GABBR2: variants seen among roughly 807,000 people sequenced by gnomAD.
GABBR2 encodes the protein G-protein coupled receptor 51.
Under a neutral mutation model 105.6 loss-of-function variants are expected in GABBR2, and 23 were observed. The observed-to-expected ratio is 0.22, with a 90% confidence interval of 0.16 to 0.31. The LOEUF (loss-of-function observed/expected upper bound fraction) is 0.31, where lower values mean the gene tolerates loss of function less well. Ranked by LOEUF, GABBR2 falls within the 10% of genes least tolerant of loss-of-function variation. The pLI is 1.00. For synonymous variants in GABBR2, 478 were observed against 499.7 expected (o/e 0.96, Z 0.58); for missense variants, 734 against 1,245.5 (o/e 0.59, Z 6.18).
At chr9:98,524,728 G>T (rs1827927502) in intron 3 of GABBR2, among the ~76,000 whole-genome samples, 1 of 151,940 alleles carries the variant, frequency 6.6e-6, no homozygotes, top group Admixed American at 6.6e-5. Context: ...GAATCTGGTT[G>T]ATTTTCACTA....
chr9:98,399,838 C>T (rs1021627272), intron 8 of GABBR2, among the ~76,000 whole-genome samples: 1 of 152,046 alleles, frequency 6.6e-6, no homozygotes, highest in East Asian at 1.9e-4. Context: ...ATGTAAGGAA[C>T]TTCTGCAGAC....
At chr9:98,303,838 G>A (rs1226583428) in intron 15 of GABBR2, among the ~76,000 whole-genome samples, 1 of 152,262 alleles carries the variant, frequency 6.6e-6, no homozygotes. Context: ...AACCATTGAT[G>A]AGTTCTGGAA....
intron 7 of GABBR2, among the ~76,000 whole-genome samples, chr9:98,415,974 TAGG>T (rs1406448444): frequency 1.3e-5 from 2 of 152,052 alleles, no homozygotes; most frequent in Non-Finnish European, 2.9e-5. Flanking sequence ...GTGGGTGTAG[TAGG>T]AGTAGGCAGA....
intron 8 of GABBR2, among the ~76,000 whole-genome samples, chr9:98,399,590 C>T (rs1832354374): frequency 1.3e-5 from 2 of 152,126 alleles, no homozygotes; most frequent in Admixed American, 1.3e-4. Flanking sequence ...ACCCCCATAC[C>T]CAACCAGTGC....
At chr9:98,420,187 C>T (rs1832757445) in intron 7 of GABBR2, among the ~76,000 whole-genome samples, 1 of 152,120 alleles carries the variant, frequency 6.6e-6, no homozygotes, top group South Asian at 2.1e-4. Flanking sequence ...TGCAGGGATA[C>T]CCTAGCTCCC....
At chr9:98,465,936 G>C (rs1054603960) in intron 6 of GABBR2, among the ~76,000 whole-genome samples, 16 of 152,322 alleles carry the variant, frequency 1.1e-4, no homozygotes, top group Admixed American at 9.8e-4. Flanking sequence ...GCTGGGAGGT[G>C]ACTGGATCAT....
At chr9:98,355,650 C>T (rs751705975) in intron 13 of GABBR2, among the ~76,000 whole-genome samples, 1 of 152,130 alleles carries the variant, frequency 6.6e-6, no homozygotes, top group Non-Finnish European at 1.5e-5. Context: ...CAATACTTCC[C>T]AACTTGATCT....
chr9:98,358,383 G>A (rs1485003333), intron 13 of GABBR2, among the ~76,000 whole-genome samples: 1 of 152,210 alleles, frequency 6.6e-6, no homozygotes. Context: ...CACACTGCCT[G>A]CTCTCTAAAT....
intron 11 of GABBR2, among the ~76,000 whole-genome samples, chr9:98,384,451 A>T (rs1832035882): frequency 6.6e-6 from 1 of 152,192 alleles, no homozygotes; most frequent in South Asian, 2.1e-4. Context: ...TTAGCTGGGC[A>T]TGGTGGTGCA....
intron 1 of GABBR2, among the ~76,000 whole-genome samples, chr9:98,678,115 T>C (rs1157591144): frequency 1.3e-5 from 2 of 152,208 alleles, no homozygotes; most frequent in African/African-American, 4.8e-5. Context: ...CTATAATAAA[T>C]GGTTAATATT....
chr9:98,517,561 A>G (rs1564101262), intron 3 of GABBR2, among the ~76,000 whole-genome samples: 1 of 152,320 alleles, frequency 6.6e-6, no homozygotes, highest in East Asian at 1.9e-4. Flanking sequence ...TTTCAAAATA[A>G]TGTCTAAACT....
chr9:98,386,168 T>C (rs1370182969), intron 10 of GABBR2, among the ~76,000 whole-genome samples: 1 of 152,098 alleles, frequency 6.6e-6, no homozygotes, highest in Non-Finnish European at 1.5e-5. Context: ...ATCAGCTTCT[T>C]CATCCATTAA....
At chr9:98,299,445 CT>C in intron 16 of GABBR2, 92 bp from the exon 17 acceptor site, 1 of 1,405,928 alleles carries the variant, frequency 7.1e-7, no homozygotes, top group Non-Finnish European at 1.0e-6. Context: ...AGGGCTGGGC[CT>C]TTACCTGTAT....
intron 3 of GABBR2, among the ~76,000 whole-genome samples, chr9:98,501,627 A>G (rs1192890697): frequency 2.6e-5 from 4 of 152,138 alleles, no homozygotes; most frequent in Non-Finnish European, 4.4e-5. Context: ...TAAGTAAATG[A>G]TTGATAATCT....
chr9:98,567,817 G>A (rs916283599), intron 2 of GABBR2, among the ~76,000 whole-genome samples: 19 of 152,118 alleles, frequency 1.2e-4, no homozygotes, highest in African/African-American at 3.9e-4. Flanking sequence ...CCGGAGCTTC[G>A]GAATTCCAGT....
intron 1 of GABBR2, among the ~76,000 whole-genome samples, chr9:98,662,305 T>C (rs73504592): frequency 0.014 from 2,163 of 152,198 alleles, 63 homozygotes; most frequent in African/African-American, 0.048. Context: ...GAATGGAAGA[T>C]GGGTAGGGCA....
intron 2 of GABBR2, among the ~76,000 whole-genome samples, 159 bp from the exon 3 acceptor site, chr9:98,542,202 A>C (rs1828317883): frequency 6.6e-6 from 1 of 152,220 alleles, no homozygotes; most frequent in South Asian, 2.1e-4. Context: ...GTAACATATC[A>C]TAATGGAAGG....
chr9:98,666,249 A>G (rs992845813), intron 1 of GABBR2, among the ~76,000 whole-genome samples: 8 of 152,216 alleles, frequency 5.3e-5, no homozygotes, highest in Non-Finnish European at 2.9e-5. Flanking sequence ...ACGAACCCAA[A>G]GGAATAATCT....
chr9:98,392,622 A>C (rs1832201725), intron 9 of GABBR2, among the ~76,000 whole-genome samples: 1 of 152,186 alleles, frequency 6.6e-6, no homozygotes, highest in Non-Finnish European at 1.5e-5. Flanking sequence ...AGTCTAATCA[A>C]AGGGCCTGCG....
Sources: allele counts gnomAD v4.1 joint callset (sites outside exome capture counted in the v4.1 genomes callset), GRCh38; gene constraint gnomAD v4.1.1; transcripts MANE v1.5; gene names NCBI Gene and HGNC (gene_info 2026-07-23, HGNC 2026-07-21).